The following HPSE2 variants were observed in gnomAD, a reference collection of about 807,000 sequenced individuals.
HPSE2 encodes heparanase 2 (inactive), also known as inactive heparanase-2.
A neutral mutation model predicts 60.5 loss-of-function variants in HPSE2; 38 were observed. That is an observed-to-expected ratio of 0.63 (90% confidence interval 0.48 to 0.82). The LOEUF is 0.82. Ranked by LOEUF, HPSE2 falls within the 40% of genes least tolerant of loss-of-function variation. The probability of loss-of-function intolerance (pLI) is 0.00; values close to 1 mark genes in which losing one functional copy is unlikely to be tolerated. For missense variants in HPSE2, 713 were observed against 740.4 expected, an observed-to-expected ratio of 0.96 and a Z score of 0.43; for synonymous variants, 295 against 293.2, an observed-to-expected ratio of 1.01 and a Z score of -0.06.
chr10:98,574,932 C>A (rs182602792), intron 9 of HPSE2, among the ~76,000 whole-genome samples: 2 of 152,148 alleles, frequency 1.3e-5, no homozygotes, highest in African/African-American at 2.4e-5. Context: ...GTGGTCTCCA[C>A]AGATTTAGTG....
rs80245214 is a variant in HPSE2 at position 98,967,303 on chromosome 10, G to C, written c.610+176935C>G. Among the ~76,000 whole-genome samples, 819 of 152,294 alleles carry C rather than the reference G, an allele frequency of 5.4e-3. 5 individuals are homozygous for C. Among genetic ancestry groups the C allele is most frequent in the African/African-American group, 0.019 (782 of 41,566 alleles). ...CTCCATTGGAGTTTATGATACTGTA[G>C]AATGCTATAACACAGAGAAAACAAA... is the stretch of plus-strand genomic sequence containing the variant. On this transcript the variant is annotated intron_variant, in intron 3 of 11. Transcript: ENST00000370552.
intron 3 of HPSE2, among the ~76,000 whole-genome samples, chr10:98,981,981 C>T (rs1956217705): frequency 6.6e-6 from 1 of 152,118 alleles, no homozygotes; most frequent in East Asian, 1.9e-4. Context: ...GTCACTAACC[C>T]CATGCTAATC....
intron 3 of HPSE2, among the ~76,000 whole-genome samples, chr10:98,782,919 T>A (rs1345311985): frequency 0.053 from 2,351 of 44,382 alleles, 150 homozygotes; most frequent in African/African-American, 0.21. Context: ...TTTATTTTTT[T>A]TTTTTTATTT....
At chr10:98,468,329 G>A (rs2133598686) in intron 11 of HPSE2, among the ~76,000 whole-genome samples, 1 of 152,270 alleles carries the variant, frequency 6.6e-6, no homozygotes, top group East Asian at 1.9e-4. Context: ...TGTCCGGCTG[G>A]AGGAAAGGCT....
chr10:98,622,581 T>C (rs1041935707), intron 7 of HPSE2, among the ~76,000 whole-genome samples: 8 of 152,208 alleles, frequency 5.3e-5, no homozygotes, highest in African/African-American at 1.9e-4. Context: ...CCACATTTGC[T>C]AGAGAATTTG....
intron 5 of HPSE2, among the ~76,000 whole-genome samples, chr10:98,697,119 C>A (rs1256307888): frequency 6.6e-6 from 1 of 152,168 alleles, no homozygotes; most frequent in Non-Finnish European, 1.5e-5. Context: ...CAGTGCCTCT[C>A]CAGCAAGGGC....
chr10:98,460,760 T>C (rs1264117282), intron 11 of HPSE2, among the ~76,000 whole-genome samples: 2 of 152,256 alleles, frequency 1.3e-5, no homozygotes, highest in Admixed American at 6.5e-5. Flanking sequence ...ACTTTCACCC[T>C]GAGAAGGGGG....
intron 3 of HPSE2, among the ~76,000 whole-genome samples, chr10:98,749,049 A>G (rs1949693361): frequency 6.6e-6 from 1 of 152,178 alleles, no homozygotes; most frequent in South Asian, 2.1e-4. Flanking sequence ...AATAGTAATG[A>G]GAGAAGAACC....
At chr10:99,299,467 T>C in the HPSE2 span, among the ~76,000 whole-genome samples, 3 of 152,254 alleles carry the variant, frequency 2.0e-5, no homozygotes, top group Non-Finnish European at 4.4e-5. Flanking sequence ...GAGGAGTTTG[T>C]TAAGTTGACC....
chr10:99,171,691 T>G (rs1414235206), intron 2 of HPSE2, among the ~76,000 whole-genome samples: 1 of 152,190 alleles, frequency 6.6e-6, no homozygotes, highest in East Asian at 1.9e-4. Context: ...ATCTGGTATA[T>G]GAACATCCTT....
At position 98,491,382 on chromosome 10, in the gene HPSE2, C is replaced by T. The variant is rs992682863; in HGVS notation, c.1321-1186G>A. 7.9e-5 allele frequency among the ~76,000 whole-genome samples: 12 copies of T among 152,030 alleles called. No homozygotes were observed. The East Asian group carries it at 2.3e-3, about 29-fold the overall frequency. On this transcript the variant is annotated intron_variant, in intron 9 of 11. Coordinates refer to ENST00000370552, the MANE Select transcript of HPSE2 (RefSeq NM_021828.5). ...ACCATTTACTTTAATTTTAAGTGGC[C>T]TTAGGATGGCTGTTAAATATGGTCT...
chr10:98,767,652 T>C (rs1198653106), intron 3 of HPSE2, among the ~76,000 whole-genome samples: 1 of 146,122 alleles, frequency 6.8e-6, no homozygotes, highest in African/African-American at 2.5e-5. Flanking sequence ...ATATTTATTT[T>C]AAATATATTA....
intron 3 of HPSE2, among the ~76,000 whole-genome samples, chr10:99,025,091 A>G (rs914158332): frequency 2.0e-5 from 3 of 152,214 alleles, no homozygotes; most frequent in African/African-American, 7.2e-5. Context: ...CAATGAACCA[A>G]TAAAAAATAA....
chr10:98,642,084 G>A, intron 6 of HPSE2, 144 bp from the exon 7 acceptor site: 1 of 707,926 alleles, frequency 1.4e-6, no homozygotes, highest in Non-Finnish European at 2.5e-6. Flanking sequence ...TTTGAACCTG[G>A]GTACTTTTCA....
chr10:98,583,113 T>C (rs1053696371), intron 9 of HPSE2, among the ~76,000 whole-genome samples: 7 of 152,222 alleles, frequency 4.6e-5, no homozygotes, highest in African/African-American at 9.7e-5. Context: ...CAGCCTGCTA[T>C]TGAGGCAGGA....
At chr10:98,467,785 C>G (rs1940604470) in intron 11 of HPSE2, among the ~76,000 whole-genome samples, 1 of 152,262 alleles carries the variant, frequency 6.6e-6, no homozygotes, top group Admixed American at 6.5e-5. Flanking sequence ...CAGAATCAAT[C>G]AAATCCCAAC....
At chr10:98,590,040 C>T (rs1412891101) in intron 9 of HPSE2, among the ~76,000 whole-genome samples, 2 of 152,188 alleles carry the variant, frequency 1.3e-5, no homozygotes, top group East Asian at 3.8e-4. Flanking sequence ...GCTGTTGGGT[C>T]CAAGTTCCCT....
At chr10:99,096,057 A>G (rs1843707477) in intron 3 of HPSE2, among the ~76,000 whole-genome samples, 1 of 152,194 alleles carries the variant, frequency 6.6e-6, no homozygotes, top group South Asian at 2.1e-4. Flanking sequence ...ATACTCAGGT[A>G]TAAACTGTCT....
chr10:98,806,512 T>C (rs139947009), intron 3 of HPSE2, among the ~76,000 whole-genome samples: 4 of 152,200 alleles, frequency 2.6e-5, no homozygotes, highest in African/African-American at 9.6e-5. Context: ...TATGAGACCA[T>C]GGGCAAGTCA....
Sources: allele counts gnomAD v4.1 joint callset (sites outside exome capture counted in the v4.1 genomes callset), GRCh38; gene constraint gnomAD v4.1.1; transcripts MANE v1.5; gene names NCBI Gene and HGNC (gene_info 2026-07-23, HGNC 2026-07-21).